Variants in DDC observed in about 807,000 individuals in gnomAD.
DDC encodes dopa decarboxylase.
DDC carries 43 observed loss-of-function variants against 60.0 expected under a neutral mutation model. The observed-to-expected ratio is 0.72, with a 90% confidence interval of 0.56 to 0.92. The LOEUF is 0.92. Among genes scored for constraint, DDC ranks in the 40% least tolerant of loss-of-function variants. DDC has a pLI of 0.00. For missense variants in DDC, 573 were observed against 620.2 expected (o/e 0.92, Z 0.81); for synonymous variants, 232 against 234.6 (o/e 0.99, Z 0.10).
intron 9 of DDC, among the ~76,000 whole-genome samples, chr7:50,491,806 A>T (rs76469737): frequency 0.095 from 14,456 of 152,096 alleles, 1,063 homozygotes; most frequent in South Asian, 0.12. Context: ...TAATGTGACC[A>T]TTCCCTCCCT....
intron 7 of DDC, among the ~76,000 whole-genome samples, chr7:50,502,478 T>C (rs2043282028): frequency 6.6e-6 from 1 of 152,206 alleles, no homozygotes; most frequent in Non-Finnish European, 1.5e-5. Context: ...GACATTCAGT[T>C]CTTAGCCTGA....
At position 50,529,223 on chromosome 7, in the gene DDC, A is replaced by G; in HGVS notation, c.555T>C (p.Ala185=). The part of the protein sequence containing the change: ...TQAAIMEKLV[A]YSSDQAHSSV... ...ACACACTCACCTGATCGGATGAGTA[A>G]GCCACCAGCTTCTCCATGATAGCGG... The change falls in exon 5 of 15, where the codon GCT becomes GCC. Residue 185 remains alanine, a synonymous_variant. Transcript: ENST00000444124. 1.2e-6 allele frequency: 2 copies of G among 1,613,416 alleles called. No individual in the cohort carries two copies. The highest frequency in any genetic ancestry group is 1.7e-6 in the Non-Finnish European group (2 of 1,179,994).
At chr7:50,527,366 C>T (rs975384287) in intron 6 of DDC, among the ~76,000 whole-genome samples, 1 of 151,964 alleles carries the variant, frequency 6.6e-6, no homozygotes, top group Non-Finnish European at 1.5e-5. Context: ...ATTTATTTTT[C>T]CCTAGACAGA....
At position 50,511,553 on chromosome 7, in the gene DDC, C is replaced by A. The variant is rs143514096; in HGVS notation, c.715-7494G>T. Reference sequence around the variant, plus strand: ...GCCATCCCGGCTAACACGGTGAAACCGTGTCTCTACTAAAAATACAAAAAA... The same window carrying A: ...GCCATCCCGGCTAACACGGTGAAACAGTGTCTCTACTAAAAATACAAAAAA... On this transcript the variant is annotated intron_variant, in intron 6 of 14. Coordinates refer to ENST00000444124, the MANE Select transcript of DDC (RefSeq NM_001082971.2). Among the ~76,000 whole-genome samples, 139 of 152,068 alleles carry A rather than the reference C, an allele frequency of 9.1e-4. 3 individuals carry two copies. In the East Asian group the frequency reaches 0.025, roughly 27 times the overall value.
chr7:50,556,200 G>A (rs867756581), intron 1 of DDC, among the ~76,000 whole-genome samples: 1 of 152,172 alleles, frequency 6.6e-6, no homozygotes, highest in Non-Finnish European at 1.5e-5. Flanking sequence ...ACTATAAAAA[G>A]TACTATAGAC....
intron 6 of DDC, among the ~76,000 whole-genome samples, chr7:50,506,425 G>A (rs1014086838): frequency 2.6e-5 from 4 of 152,134 alleles, no homozygotes; most frequent in African/African-American, 9.7e-5. Context: ...AATGGGTGCA[G>A]CACACCAACC....
intron 7 of DDC, among the ~76,000 whole-genome samples, chr7:50,502,184 C>G (rs570609799): frequency 5.9e-5 from 9 of 152,206 alleles, no homozygotes; most frequent in Non-Finnish European, 1.2e-4. Flanking sequence ...ACCCCAAAAG[C>G]AACCTCAGTG....
chr7:50,460,911 G>A (rs1023513635), intron 14 of DDC, among the ~76,000 whole-genome samples: 2 of 151,536 alleles, frequency 1.3e-5, no homozygotes, highest in South Asian at 4.2e-4. Context: ...CACAAACACT[G>A]CGGAAGGCCG....
intron 6 of DDC, among the ~76,000 whole-genome samples, chr7:50,526,068 C>T (rs2044029944): frequency 1.3e-5 from 2 of 152,062 alleles, no homozygotes; most frequent in South Asian, 4.1e-4. Flanking sequence ...CGAGGAGAGA[C>T]ACCAAATTAC....
intron 6 of DDC, among the ~76,000 whole-genome samples, chr7:50,515,141 C>T (rs1202695932): frequency 6.6e-6 from 1 of 152,104 alleles, no homozygotes; most frequent in Non-Finnish European, 1.5e-5. Context: ...AAGAAAGAAT[C>T]TTAAAAGCTG....
At chr7:50,521,917 G>T (rs1170965099) in intron 6 of DDC, among the ~76,000 whole-genome samples, 2 of 152,090 alleles carry the variant, frequency 1.3e-5, no homozygotes, top group Non-Finnish European at 2.9e-5. Flanking sequence ...ACATTGTACT[G>T]AGAGTTTCAG....
At chr7:50,495,083 G>A (rs1429101271) in intron 9 of DDC, among the ~76,000 whole-genome samples, 1 of 152,154 alleles carries the variant, frequency 6.6e-6, no homozygotes, top group Non-Finnish European at 1.5e-5. Flanking sequence ...ACTTGCATTT[G>A]TTTTCTGTCA....
intron 1 of DDC, among the ~76,000 whole-genome samples, chr7:50,558,518 A>C (rs1363873630): frequency 6.6e-6 from 1 of 152,196 alleles, no homozygotes; most frequent in African/African-American, 2.4e-5. Flanking sequence ...TTTGGTTGCC[A>C]CATCCTATTG....
chr7:50,544,972 T>C (rs2044752905), intron 1 of DDC, among the ~76,000 whole-genome samples: 1 of 152,144 alleles, frequency 6.6e-6, no homozygotes, highest in South Asian at 2.1e-4. Context: ...TGGGGAAGCT[T>C]CTCTAACACA....
intron 6 of DDC, among the ~76,000 whole-genome samples, chr7:50,520,476 T>A (rs1358150023): frequency 1.3e-5 from 2 of 152,082 alleles, no homozygotes; most frequent in Non-Finnish European, 2.9e-5. Context: ...AAAATGACAA[T>A]AAAACTCATC....
At chr7:50,470,431 A>G (rs575378284) in intron 11 of DDC, among the ~76,000 whole-genome samples, 68 of 152,248 alleles carry the variant, frequency 4.5e-4, no homozygotes, top group Non-Finnish European at 8.1e-4. Flanking sequence ...TTCACTCAAC[A>G]GGTGTTTGCG....
chr7:50,466,433 C>G (rs924623344), intron 13 of DDC, among the ~76,000 whole-genome samples: 1 of 145,730 alleles, frequency 6.9e-6, no homozygotes, highest in East Asian at 2.0e-4. Flanking sequence ...TGCAGTGAGC[C>G]GAGATTACAC....
At chr7:50,503,536 A>T (rs982046306) in intron 7 of DDC, among the ~76,000 whole-genome samples, 2 of 152,160 alleles carry the variant, frequency 1.3e-5, no homozygotes, top group Middle Eastern at 3.2e-3. Context: ...TTGATTTGCT[A>T]AACTACCTTC....
rs886062373 is a variant in DDC, at chr7:50,529,243, T to C, written c.535A>G (p.Ile179Val). ...AASPELTQAA[I>V]MEKLVAYSSD... is the part of the protein sequence containing the mutation. ...GAGTAAGCCACCAGCTTCTCCATGATAGCGGCCTGTGTGAGCTCTGGGGAC... is the reference window on the plus strand; with the variant it reads ...GAGTAAGCCACCAGCTTCTCCATGACAGCGGCCTGTGTGAGCTCTGGGGAC... Residue 179 changes from isoleucine (I) to valine (V), a missense_variant, in exon 5 of 15, where the codon ATC (isoleucine) becomes GTC (valine). By Grantham distance (29) the Ile-to-Val change is conservative. Coordinates refer to ENST00000444124, the MANE Select transcript of DDC (RefSeq NM_001082971.2). The C allele has an allele frequency of 1.9e-6, 3 of 1,613,836 alleles. No homozygotes were observed. The highest frequency in any genetic ancestry group is 2.5e-6 in the Non-Finnish European group (3 of 1,180,048).
Sources: gnomAD v4.1 joint callset for allele counts (sites outside exome capture counted in the v4.1 genomes callset) on GRCh38, gnomAD v4.1.1 for gene constraint, MANE v1.5 for transcripts, NCBI Gene and HGNC (gene_info 2026-07-23, HGNC 2026-07-21) for gene names.